The following RGS6 variants were observed in gnomAD, a reference collection of about 807,000 sequenced individuals.
RGS6 encodes regulator of G protein signaling 6.
RGS6 carries 30 observed loss-of-function variants against 78.5 expected under a neutral mutation model. The observed-to-expected ratio is 0.38, with a 90% confidence interval of 0.29 to 0.52. RGS6 has a LOEUF of 0.52. RGS6 is among the 20% of genes least tolerant of loss of function. RGS6 has a pLI of 0.85. For missense variants in RGS6, 495 were observed against 609.7 expected (o/e 0.81, Z 1.98); for synonymous variants, 206 against 206.0 (o/e 1.00, Z 0.00).
chr14:71,964,651 A>G lies in RGS6; in HGVS notation c.-20-121A>G, dbSNP rs964450602. On this transcript the variant is annotated intron_variant, in intron 1 of 17. Transcript: ENST00000553525. ...ATCATCCCCTAACTTTAAAAAATGT[A>G]TCATGTAATATCATGTTTTTGTTCA... is the stretch of plus-strand genomic sequence containing the variant. 2.2e-4 allele frequency: 136 copies of G among 627,838 alleles called. 1 individual carries two copies. Among genetic ancestry groups the G allele is most frequent in the Non-Finnish European group, 3.3e-4 (120 of 364,974 alleles). The allele number at this position is 627,838 out of a possible 1,614,324, so 38.9% of individuals were successfully genotyped here.
chr14:72,605,010 T>G, the RGS6 span, among the ~76,000 whole-genome samples: 3 of 152,128 alleles, frequency 2.0e-5, no homozygotes, highest in Non-Finnish European at 2.9e-5. Context: ...GCACCAGGTC[T>G]TGGGTTTTCT....
At chr14:72,305,283 T>A (rs2066980396) in intron 2 of RGS6, among the ~76,000 whole-genome samples, 1 of 152,226 alleles carries the variant, frequency 6.6e-6, no homozygotes. Context: ...ACATTTACCT[T>A]CTTTTGTGGA....
chr14:72,034,609 G>C (rs998066937), intron 2 of RGS6, among the ~76,000 whole-genome samples: 7 of 152,046 alleles, frequency 4.6e-5, no homozygotes, highest in African/African-American at 1.4e-4. Context: ...GTATTTATCA[G>C]GGATCCTTGT....
chr14:71,926,859 T>A, the RGS6 span, among the ~76,000 whole-genome samples: 1 of 152,178 alleles, frequency 6.6e-6, no homozygotes, highest in South Asian at 2.1e-4. Flanking sequence ...ATTGACTCTA[T>A]AAAGGATCCT....
chr14:72,445,113 T>C (rs920447929), intron 3 of RGS6, among the ~76,000 whole-genome samples: 1 of 152,242 alleles, frequency 6.6e-6, no homozygotes, highest in African/African-American at 2.4e-5. Context: ...CAGTTTTTAA[T>C]AAGGAAAAGG....
intron 2 of RGS6, among the ~76,000 whole-genome samples, chr14:72,123,635 T>C (rs1389948670): frequency 3.3e-5 from 5 of 152,186 alleles, no homozygotes; most frequent in African/African-American, 1.2e-4. Flanking sequence ...AGTTTTCTTA[T>C]TGAAAATTAT....
chr14:72,214,826 A>T (rs1320937147), intron 2 of RGS6, among the ~76,000 whole-genome samples: 1 of 152,146 alleles, frequency 6.6e-6, no homozygotes, highest in African/African-American at 2.4e-5. Flanking sequence ...TAAGGAAAGA[A>T]CCAGGTAAGG....
intron 2 of RGS6, among the ~76,000 whole-genome samples, chr14:72,033,698 A>G (rs1306326363): frequency 2.0e-5 from 3 of 152,192 alleles, no homozygotes. Context: ...CATTCACACC[A>G]TCGTAAAGTT....
intron 2 of RGS6, among the ~76,000 whole-genome samples, chr14:72,118,648 AC>A (rs1227055188): frequency 6.6e-6 from 1 of 152,250 alleles, no homozygotes; most frequent in Non-Finnish European, 1.5e-5. Context: ...ATAGCCCTGG[AC>A]AGCACTATTC....
the RGS6 span, among the ~76,000 whole-genome samples, chr14:72,623,608 T>G: frequency 2.6e-5 from 4 of 152,340 alleles, no homozygotes; most frequent in East Asian, 1.9e-4. Flanking sequence ...AGAGCAAGAT[T>G]TTGTAACATG....
At chr14:72,614,670 G>A in the RGS6 span, among the ~76,000 whole-genome samples, 66 of 151,596 alleles carry the variant, frequency 4.4e-4, 1 homozygote, top group East Asian at 8.0e-3. Context: ...ACCAACGGGC[G>A]GCCTCAAGAA....
chr14:72,144,746 A>ATT (rs534273802), intron 2 of RGS6, among the ~76,000 whole-genome samples: 71 of 138,820 alleles, frequency 5.1e-4, no homozygotes, highest in South Asian at 1.2e-3. Context: ...TTCATGATTC[A>ATT]TTTTTTTTTT....
chr14:72,203,873 G>A (rs568976919), intron 2 of RGS6, among the ~76,000 whole-genome samples: 2 of 142,780 alleles, frequency 1.4e-5, no homozygotes, highest in African/African-American at 5.2e-5. Flanking sequence ...CACCCAGGCT[G>A]GAGTGCAGTG....
chr14:72,470,885 A>G (rs2153310380), intron 8 of RGS6, among the ~76,000 whole-genome samples: 1 of 151,504 alleles, frequency 6.6e-6, no homozygotes, highest in South Asian at 2.1e-4. Context: ...CTCTCAAAAA[A>G]AAAAAAAAAA....
chr14:72,450,097 C>A (rs548081717), intron 3 of RGS6, among the ~76,000 whole-genome samples: 1 of 152,088 alleles, frequency 6.6e-6, no homozygotes, highest in Non-Finnish European at 1.5e-5. Flanking sequence ...TGATGCCTCC[C>A]GCTCCCCAAA....
intron 3 of RGS6, among the ~76,000 whole-genome samples, chr14:72,362,769 G>A (rs2081702028): frequency 6.6e-6 from 1 of 152,212 alleles, no homozygotes; most frequent in African/African-American, 2.4e-5. Flanking sequence ...GGATTGAAGA[G>A]GATGGAGAAA....
intron 1 of RGS6, among the ~76,000 whole-genome samples, chr14:71,940,059 A>G (rs549429902): frequency 1.3e-5 from 2 of 152,306 alleles, no homozygotes; most frequent in East Asian, 1.9e-4. Context: ...GACCCACTGG[A>G]CACACTATAA....
chr14:72,486,175 A>G (rs1351096755), intron 12 of RGS6, among the ~76,000 whole-genome samples: 3 of 152,048 alleles, frequency 2.0e-5, no homozygotes, highest in Non-Finnish European at 4.4e-5. Context: ...CCCTTCCCCC[A>G]TGATTGTAAG....
chr14:72,238,559 T>G (rs1263801505), intron 2 of RGS6, among the ~76,000 whole-genome samples: 1 of 152,196 alleles, frequency 6.6e-6, no homozygotes, highest in African/African-American at 2.4e-5. Context: ...CTCCTGGTCA[T>G]CAGAACTTAT....
Sources: gnomAD v4.1 joint callset for allele counts (sites outside exome capture counted in the v4.1 genomes callset) on GRCh38, gnomAD v4.1.1 for gene constraint, MANE v1.5 for transcripts, NCBI Gene and HGNC (gene_info 2026-07-23, HGNC 2026-07-21) for gene names.